Variants in RAP1B observed in about 807,000 individuals in gnomAD.
RAP1B encodes RAP1B, member of RAS oncogene family, also known as ras-related protein Rap-1b.
In RAP1B, 1 loss-of-function variant was observed where a neutral mutation model predicts 27.5. The ratio of observed to expected loss-of-function variants is 0.04; its 90% CI spans 0.01 to 0.17. The LOEUF (loss-of-function observed/expected upper bound fraction) is 0.17, where lower values mean the gene tolerates loss of function less well. Ranked by LOEUF, RAP1B falls within the 10% of genes least tolerant of loss-of-function variation. RAP1B has a pLI of 1.00. For synonymous variants in RAP1B, 75 were observed against 73.1 expected (o/e 1.03, Z -0.13); for missense variants, 84 against 214.8 (o/e 0.39, Z 3.81).
In RAP1B at chr12:68,632,145, TG is replaced by T. The variant is rs777880950; in HGVS notation, c.-26-16553del. Among the ~76,000 whole-genome samples the T allele has an allele frequency of 1.8e-3, 209 of 113,154 alleles. 8 individuals are homozygous for T. The highest frequency in any genetic ancestry group is 7.5e-3 in the East Asian group (23 of 3,078). 74.2% of individuals were successfully genotyped at this position (113,154 alleles called of 152,430 possible). On this transcript the variant is annotated intron_variant, in intron 1 of 7. Transcript: ENST00000250559. Reference sequence around the variant, plus strand: ...TTTGGATTTGTTTTTTTTTTTTTTTTGTTTGTTTTTTTTTTCCAGACTGTTT... The same window carrying T: ...TTTGGATTTGTTTTTTTTTTTTTTTTTTTGTTTTTTTTTTCCAGACTGTTT...
intron 1 of RAP1B, among the ~76,000 whole-genome samples, chr12:68,618,385 G>A (rs946952530): frequency 6.6e-6 from 1 of 152,146 alleles, no homozygotes; most frequent in Admixed American, 6.6e-5. Context: ...ACCTTGCCTG[G>A]CCCTATAAAG....
intron 1 of RAP1B, among the ~76,000 whole-genome samples, chr12:68,645,654 T>C (rs976805879): frequency 6.6e-6 from 1 of 152,230 alleles, no homozygotes; most frequent in Non-Finnish European, 1.5e-5. Context: ...CAGAGTTGTC[T>C]TTTCTGCAAA....
intron 1 of RAP1B, among the ~76,000 whole-genome samples, chr12:68,644,790 G>A (rs1475129368): frequency 6.9e-6 from 1 of 145,814 alleles, no homozygotes; most frequent in Non-Finnish European, 1.5e-5. Flanking sequence ...CTGGGTTCAA[G>A]CAGTTCTCCT....
intron 1 of RAP1B, among the ~76,000 whole-genome samples, chr12:68,618,686 T>C (rs980957984): frequency 6.6e-6 from 1 of 152,222 alleles, no homozygotes; most frequent in African/African-American, 2.4e-5. Flanking sequence ...TAAACCAGGT[T>C]AGAGTACTTC....
At chr12:68,612,688 T>G (rs1226429743) in intron 1 of RAP1B, among the ~76,000 whole-genome samples, 2 of 152,246 alleles carry the variant, frequency 1.3e-5, no homozygotes, top group Non-Finnish European at 2.9e-5. Flanking sequence ...AGTAGTTTCA[T>G]CCTCAGGTTT....
intron 1 of RAP1B, among the ~76,000 whole-genome samples, chr12:68,647,330 C>G (rs950641359): frequency 1.5e-5 from 2 of 135,154 alleles, no homozygotes; most frequent in Non-Finnish European, 3.1e-5. Context: ...GTCAAGAGAT[C>G]GAGACCATCC....
rs11837226 is a variant in RAP1B at position 68,653,741 on chromosome 12, A to G, written c.184-371A>G. On this transcript the variant is annotated intron_variant, in intron 4 of 7. Transcript: ENST00000250559. ...CAGGAGATGGAGATCATCCTGGCTA[A>G]CATGGTGAAAGCCCGTCTCTACCGA... 4.7e-3 allele frequency among the ~76,000 whole-genome samples: 714 copies of G among 152,240 alleles called. 2 individuals are homozygous for G. The highest frequency in any genetic ancestry group is 0.016 in the African/African-American group (668 of 41,546).
chr12:68,622,193 G>A (rs1046544971), intron 1 of RAP1B, among the ~76,000 whole-genome samples: 7 of 152,102 alleles, frequency 4.6e-5, no homozygotes, highest in South Asian at 2.1e-4. Context: ...TGGCTGTTAA[G>A]GTCTTTTCGG....
chr12:68,632,129 G>GTTGTT (rs1872288033), intron 1 of RAP1B, among the ~76,000 whole-genome samples: 1 of 104,414 alleles, frequency 9.6e-6, no homozygotes, highest in Non-Finnish European at 1.9e-5. Flanking sequence ...TTTTGGATTT[G>GTTGTT]TTTTTTTTTT....
intron 4 of RAP1B, among the ~76,000 whole-genome samples, chr12:68,652,399 CTG>C (rs945868383): frequency 2.6e-5 from 4 of 151,634 alleles, no homozygotes; most frequent in African/African-American, 9.7e-5. Context: ...TGAGCCAAGA[CTG>C]TGGAGATTGT....
At chr12:68,641,176 A>C (rs1026497905) in intron 1 of RAP1B, 1 of 152,254 alleles carries the variant, frequency 6.6e-6, no homozygotes, top group Admixed American at 6.6e-5. Context: ...ACACTTGGCT[A>C]ATTTTCATAT....
chr12:68,615,390 CAGG>C (rs1169559615), intron 1 of RAP1B, among the ~76,000 whole-genome samples: 5 of 151,648 alleles, frequency 3.3e-5, no homozygotes, highest in East Asian at 3.9e-4. Flanking sequence ...TTTTATTGTA[CAGG>C]AGGAGTATAT....
intron 1 of RAP1B, among the ~76,000 whole-genome samples, chr12:68,617,787 A>G (rs950443171): frequency 2.7e-5 from 4 of 149,712 alleles, no homozygotes; most frequent in African/African-American, 9.9e-5. Context: ...TTTTTTTTTG[A>G]CAGCCTCACT....
chr12:68,632,125 A>ATTTTTTTTT (rs1211565843), intron 1 of RAP1B, among the ~76,000 whole-genome samples: 2 of 107,142 alleles, frequency 1.9e-5, no homozygotes, highest in African/African-American at 9.2e-5. Context: ...TGGGTTTTGG[A>ATTTTTTTTT]TTTGTTTTTT....
chr12:68,616,856 T>C (rs1023039656), intron 1 of RAP1B, among the ~76,000 whole-genome samples: 2 of 152,198 alleles, frequency 1.3e-5, no homozygotes, highest in African/African-American at 2.4e-5. Flanking sequence ...TGAGCCACTG[T>C]GCCTGGCCCA....
intron 1 of RAP1B, among the ~76,000 whole-genome samples, chr12:68,635,521 T>C (rs886431021): frequency 6.6e-6 from 1 of 152,138 alleles, no homozygotes; most frequent in African/African-American, 2.4e-5. Flanking sequence ...AGTGGTGCGA[T>C]CTCGGCTCAC....
chr12:68,657,199 C>T lies in RAP1B; in HGVS notation c.*12C>T. 1 of 1,590,260 alleles carries T rather than the reference C, an allele frequency of 6.3e-7. No homozygotes were observed. ...GTCAGCTGCTTTAATATACTAAATG[C>T]ATTGTAGCTCTGAGCCAGGTATGTT... On this transcript the variant is annotated 3_prime_UTR_variant, in exon 7 of 8. Coordinates refer to ENST00000250559, the MANE Select transcript of RAP1B (RefSeq NM_001010942.3).
intron 1 of RAP1B, among the ~76,000 whole-genome samples, chr12:68,621,731 T>TG (rs1871398587): frequency 6.6e-6 from 1 of 152,222 alleles, no homozygotes; most frequent in Non-Finnish European, 1.5e-5. Context: ...GAAAAACACT[T>TG]GTGATGCTTT....
At position 68,650,562 on chromosome 12, in the gene RAP1B, A is replaced by G. The variant is rs1873741658; in HGVS notation, c.126+94A>G. The G allele has an allele frequency of 2.8e-6, 3 of 1,078,782 alleles. No individual in the cohort carries two copies. In the South Asian group the frequency reaches 7.0e-5, roughly 25 times the overall value. The allele number at this position is 1,078,782 out of a possible 1,614,324, so 66.8% of individuals were successfully genotyped here. A position where few individuals can be genotyped will look rare whatever the true frequency, so the allele number is the denominator to read the frequency against. ...ATTGAATGTTTTATACAAAGGATGG[A>G]GGCAGAGTTAATTTATAAAATTAGT... On this transcript the variant is annotated intron_variant, in intron 3 of 7. Coordinates refer to ENST00000250559, the MANE Select transcript of RAP1B (RefSeq NM_001010942.3).
Sources: allele counts gnomAD v4.1 joint callset (sites outside exome capture counted in the v4.1 genomes callset), GRCh38; gene constraint gnomAD v4.1.1; transcripts MANE v1.5; gene names NCBI Gene and HGNC (gene_info 2026-07-23, HGNC 2026-07-21).